The following CHI3L1 variants were observed in gnomAD, a reference collection of about 807,000 sequenced individuals.
CHI3L1 encodes chitinase-3-like protein 1.
CHI3L1 carries 30 observed loss-of-function variants against 40.7 expected under a neutral mutation model. The ratio of observed to expected loss-of-function variants is 0.74; its 90% confidence interval spans 0.55 to 1.00. The LOEUF is 1.00. CHI3L1 is among the 50% of genes least tolerant of loss of function. The pLI is 0.00. For synonymous variants in CHI3L1, 210 were observed against 192.1 expected, an observed-to-expected ratio of 1.09 and a Z score of -0.77; for missense variants, 493 against 492.2, an observed-to-expected ratio of 1.00 and a Z score of -0.01.
rs768428982 is a variant in CHI3L1, at chr1:203,179,859, C to T, written c.913G>A (p.Gly305Arg). The stretch of plus-strand genomic sequence containing the variant: ...CCGAGGATTCTATGGACTGTGGCTC[C>T]GCGGAGGAAGTCACAGATCTGAGCA... ...AYYEICDFLR[G>R]ATVHRILGQQ... Residue 305 changes from glycine (G) to arginine (R), a missense_variant, in exon 9 of 10, where the codon GGA (glycine) becomes AGA (arginine). Physicochemically the swap from Gly to Arg is moderately radical, Grantham distance 125. Coordinates refer to ENST00000255409, the MANE Select transcript of CHI3L1 (RefSeq NM_001276.4). 46 of 1,613,984 alleles carry T rather than the reference C, an allele frequency of 2.9e-5. No individual in the cohort carries two copies. Among genetic ancestry groups the T allele is most frequent in the South Asian group, 9.9e-5 (9 of 91,082 alleles).
In CHI3L1 at chr1:203,180,618, G is replaced by GC; in HGVS notation, c.745dup (p.Ala249GlyfsTer5). ...GCCCATCACCAGCTTACTGGCAGGA[G>GC]CCCCCAGCCTCAACATGTACCCCAC... On this transcript the variant is annotated frameshift_variant, in exon 8 of 10. Coordinates refer to ENST00000255409, the MANE Select transcript of CHI3L1 (RefSeq NM_001276.4). LOFTEE classifies it high-confidence loss of function. 1 of 1,455,736 alleles carries GC rather than the reference G, an allele frequency of 6.9e-7. No homozygotes were observed. 90.2% of individuals were successfully genotyped at this position (1,455,736 alleles called of 1,614,324 possible).
At chr1:203,183,589 C>G in intron 5 of CHI3L1, 52 bp downstream of exon 5, 1 of 1,599,818 alleles carries the variant, frequency 6.3e-7, no homozygotes. Context: ...CTAGCCCACC[C>G]CATTCCCTCA....
intron 8 of CHI3L1, 44 bp from the exon 9 acceptor site, chr1:203,179,921 A>T (rs779490078): frequency 3.8e-6 from 6 of 1,586,454 alleles, no homozygotes; most frequent in Non-Finnish European, 3.5e-6. Flanking sequence ...AGTCGTGCCG[A>T]GACCTTGCAG....
At position 203,179,457 on chromosome 1, in the gene CHI3L1, G is replaced by A. The variant is rs572689736; in HGVS notation, c.1140C>T (p.Leu380=). The A allele has an allele frequency of 4.4e-5, 68 of 1,538,994 alleles. No homozygotes were observed. The South Asian group carries it at 7.1e-4, about 16-fold the overall frequency. ...FPLTNAIKDA[L]AAT is the part of the protein sequence containing the mutation. ...GCAGAACAGAGGGCTACGTTGCAGC[G>A]AGTGCATCCTTGATGGCATTGGTGA... Residue 380 remains leucine, a synonymous_variant, in exon 10 of 10, where the codon CTC becomes CTT. Coordinates refer to ENST00000255409, the MANE Select transcript of CHI3L1 (RefSeq NM_001276.4).
rs565103983 is a variant in CHI3L1 at position 203,184,734 on chromosome 1, G to A, written c.258-102C>T. The A allele has an allele frequency of 6.6e-5, 66 of 993,964 alleles. No homozygotes were observed. The South Asian group carries it at 7.7e-4, about 12-fold the overall frequency. The allele number at this position is 993,964 out of a possible 1,614,324, so 61.6% of individuals were successfully genotyped here. ...GGCCATAGAAGGTTTCCTGCTTTGG[G>A]TGAGAGGCTGGGTTAGGCCGCTGAT... On this transcript the variant is annotated intron_variant, in intron 3 of 9. Transcript: ENST00000255409.
intron 4 of CHI3L1, 51 bp from the exon 5 acceptor site, chr1:203,183,842 C>T: frequency 6.2e-7 from 1 of 1,604,484 alleles, no homozygotes. Context: ...ATGCTAGGTG[C>T]CTTGGGCCTC....
At chr1:203,186,444 C>CCCCCCGGT in intron 1 of CHI3L1, 99 bp from the exon 2 acceptor site, 2 of 1,497,722 alleles carry the variant, frequency 1.3e-6, no homozygotes, top group South Asian at 1.2e-5. Context: ...CCACCCCCAC[C>CCCCCCGGT]TCCTGGTTGC....
Position 203,180,638 on chromosome 1 carries a change from C to CCCCA in CHI3L1, c.722_725dup (p.Tyr243GlyfsTer12). The CCCCA allele has an allele frequency of 6.2e-7, 1 of 1,611,424 alleles. No individual in the cohort carries two copies. Among genetic ancestry groups the CCCCA allele is most frequent in the South Asian group, 1.1e-5 (1 of 90,600 alleles). On this transcript the variant is annotated frameshift_variant, in exon 8 of 10. Coordinates refer to ENST00000255409, the MANE Select transcript of CHI3L1 (RefSeq NM_001276.4). LOFTEE classifies it high-confidence loss of function. ...CAGGAGCCCCCAGCCTCAACATGTA[C>CCCCA]CCCACAGCATAGTCCTGGGTGGGGT...
chr1:203,179,548 A>G lies in CHI3L1; in HGVS notation c.1049T>C (p.Met350Thr), dbSNP rs769168056. The change falls in exon 10 of 10, where the codon ATG (methionine) becomes ACG (threonine). Residue 350 changes from methionine to threonine, a missense_variant. Physicochemically the swap from Met to Thr is moderately conservative, Grantham distance 81 (BLOSUM62 -1). Transcript: ENST00000255409. The stretch of plus-strand genomic sequence containing the variant: ...GTCATCCAGGTCCAGGGCCCATACC[A>G]TGGCGCCCGCCAGCTGCCTGTCCTT... Reference protein sequence around the residue: ...YLKDRQLAGAMVWALDLDDFQ... With the variant: ...YLKDRQLAGATVWALDLDDFQ... 14 of 1,607,946 alleles carry G rather than the reference A, an allele frequency of 8.7e-6. No individual in the cohort carries two copies. Among genetic ancestry groups the G allele is most frequent in the Admixed American group, 1.7e-5 (1 of 59,866 alleles).
chr1:203,181,304 G>C lies in CHI3L1; in HGVS notation c.588-19C>G. The C allele has an allele frequency of 6.2e-7, 1 of 1,612,976 alleles. No individual in the cohort carries two copies. ...CAGGTGTCTGAGGAGGAAGGGGATG[G>C]AGGGTGAGGCAGGAAATTATTAATA... is the stretch of plus-strand genomic sequence containing the variant. On this transcript the variant is annotated intron_variant, in intron 6 of 9. Coordinates refer to ENST00000255409, the MANE Select transcript of CHI3L1 (RefSeq NM_001276.4).
chr1:203,179,861 C>G lies in CHI3L1; in HGVS notation c.911G>C (p.Arg304Pro). 6.2e-7 allele frequency: 1 copy of G among 1,614,038 alleles called. No individual in the cohort carries two copies. The highest frequency in any genetic ancestry group is 8.5e-7 in the Non-Finnish European group (1 of 1,179,962). ...LAYYEICDFL[R>P]GATVHRILGQ... The stretch of plus-strand genomic sequence containing the variant: ...GAGGATTCTATGGACTGTGGCTCCG[C>G]GGAGGAAGTCACAGATCTGAGCAGA... Residue 304 changes from arginine to proline, a missense_variant, in exon 9 of 10, where the codon CGC (arginine) becomes CCC (proline). Physicochemically the swap from Arg to Pro is moderately radical, Grantham distance 103. Coordinates refer to ENST00000255409, the MANE Select transcript of CHI3L1 (RefSeq NM_001276.4).
chr1:203,179,098 GC>G lies in CHI3L1; in HGVS notation c.*346del, dbSNP rs1655870574. The stretch of plus-strand genomic sequence containing the variant: ...GGATGTTTGGCTCCTTGGTGATAGA[GC>G]TTGCCAAAATGGTGTCCTTTGATAA... On this transcript the variant is annotated 3_prime_UTR_variant, in exon 10 of 10. Coordinates refer to ENST00000255409, the MANE Select transcript of CHI3L1 (RefSeq NM_001276.4). 5.1e-6 allele frequency: 1 copy of G among 194,382 alleles called. No individual in the cohort carries two copies. The highest frequency in any genetic ancestry group is 1.2e-4 in the East Asian group (1 of 8,326). 12.0% of individuals were successfully genotyped at this position (194,382 alleles called of 1,614,324 possible). A position where few individuals can be genotyped will look rare whatever the true frequency, so the allele number is the denominator to read the frequency against.
intron 8 of CHI3L1, 187 bp downstream of exon 8, chr1:203,180,277 ATGTGCC>A: frequency 1.7e-6 from 1 of 594,624 alleles, no homozygotes. Context: ...GTGCAGGCCC[ATGTGCC>A]TGTACCTGCT....
At position 203,179,200 on chromosome 1, in the gene CHI3L1, C is replaced by G; in HGVS notation, c.*245G>C. 2 of 370,416 alleles carry G rather than the reference C, an allele frequency of 5.4e-6. No homozygotes were observed. The highest frequency in any genetic ancestry group is 9.7e-6 in the Non-Finnish European group (2 of 206,080). The allele number at this position is 370,416 out of a possible 1,614,324, so 22.9% of individuals were successfully genotyped here. ...ATCTGTAAACATTTCCATTAATCAA[C>G]AAGTGTGTACTAATCCCGAGTCTTA... On this transcript the variant is annotated 3_prime_UTR_variant, in exon 10 of 10. Transcript: ENST00000255409.
chr1:203,179,995 T>G (rs1355043360), intron 8 of CHI3L1, 118 bp from the exon 9 acceptor site: 1 of 832,906 alleles, frequency 1.2e-6, no homozygotes, highest in Non-Finnish European at 1.9e-6. Flanking sequence ...AGCCTCACTC[T>G]CTGCAGGGTC....
At chr1:203,183,000 G>T in intron 5 of CHI3L1, 148 bp from the exon 6 acceptor site, 1 of 784,054 alleles carries the variant, frequency 1.3e-6, no homozygotes, top group Non-Finnish European at 2.0e-6. Context: ...TGGCTCATCA[G>T]TGGTCCCATC....
rs917954292 is a variant in CHI3L1, at chr1:203,181,343, C to T, written c.588-58G>A. Reference sequence around the variant, plus strand: ...AAATTATTAATAGAAAAGCTTTAGGCCGGGCGTGGTGGCTCATACCTGGAA... The same window carrying T: ...AAATTATTAATAGAAAAGCTTTAGGTCGGGCGTGGTGGCTCATACCTGGAA... On this transcript the variant is annotated intron_variant, in intron 6 of 9. Coordinates refer to ENST00000255409, the MANE Select transcript of CHI3L1 (RefSeq NM_001276.4). 7.6e-6 allele frequency: 12 copies of T among 1,583,144 alleles called. No homozygotes were observed. The East Asian group carries it at 2.7e-4, about 36-fold the overall frequency.
In CHI3L1 at chr1:203,183,634, C is replaced by A. The variant is rs779205710; in HGVS notation, c.465+7G>T. The A allele has an allele frequency of 6.2e-7, 1 of 1,614,066 alleles. No individual in the cohort carries two copies. The highest frequency in any genetic ancestry group is 2.2e-5 in the East Asian group (1 of 44,884). ...ACCTCCCTCCCTGTCCCTGACCTGA[C>A]CAGCACCTTGATTAGGGTGGTAAAA... is the stretch of plus-strand genomic sequence containing the variant. On this transcript the variant is annotated splice_region_variant and intron_variant, in intron 5 of 9. Transcript: ENST00000255409.
rs903723362 is a variant in CHI3L1, at chr1:203,181,148, T to C, written c.711+14A>G. 1 of 1,613,326 alleles carries C rather than the reference T, an allele frequency of 6.2e-7. No homozygotes were observed. Among genetic ancestry groups the C allele is most frequent in the Non-Finnish European group, 8.5e-7 (1 of 1,179,588 alleles). On this transcript the variant is annotated intron_variant, in intron 7 of 9. Coordinates refer to ENST00000255409, the MANE Select transcript of CHI3L1 (RefSeq NM_001276.4). ...GCGGCCCCCTCCTGGCCCTCCCTCC[T>C]TCTGGGAACTCACAGTGTTGCTGAA...
Sources: gnomAD v4.1 joint callset for allele counts on GRCh38, gnomAD v4.1.1 for gene constraint, MANE v1.5 for transcripts, NCBI Gene and HGNC (gene_info 2026-07-23, HGNC 2026-07-21) for gene names.